Variants in ENPP2 observed in about 807,000 individuals in gnomAD.
ENPP2 encodes autotaxin.
ENPP2 carries 51 observed loss-of-function variants against 120.2 expected under a neutral mutation model. The observed-to-expected ratio is 0.42, with a 90% confidence interval of 0.34 to 0.54. The LOEUF is 0.54. Ranked by LOEUF, ENPP2 falls within the 20% of genes least tolerant of loss-of-function variation. The probability of loss-of-function intolerance (pLI) is 0.04; values close to 1 mark genes in which losing one functional copy is unlikely to be tolerated. For synonymous variants in ENPP2, 365 were observed against 366.4 expected (o/e 1.00, Z 0.04); for missense variants, 920 against 1,066.5 (o/e 0.86, Z 1.91).
At chr8:119,622,484 C>T (rs918234325) in intron 3 of ENPP2, among the ~76,000 whole-genome samples, 11 of 152,182 alleles carry the variant, frequency 7.2e-5, no homozygotes, top group African/African-American at 2.7e-4. Flanking sequence ...ATTGACAGCT[C>T]ACTGCTTAAT....
chr8:119,634,195 C>A (rs762472699), intron 2 of ENPP2, among the ~76,000 whole-genome samples: 3,051 of 81,324 alleles, frequency 0.038, 47 homozygotes, highest in South Asian at 0.11. Flanking sequence ...AAAATAAATA[C>A]ATACATACAT....
intron 1 of ENPP2, among the ~76,000 whole-genome samples, chr8:119,669,884 C>T (rs956159708): frequency 2.4e-4 from 36 of 152,216 alleles, no homozygotes; most frequent in African/African-American, 8.4e-4. Context: ...TTGCACACAT[C>T]TCTTTTTAGG....
chr8:119,608,996 G>A (rs1814913681), intron 8 of ENPP2, among the ~76,000 whole-genome samples: 1 of 152,174 alleles, frequency 6.6e-6, no homozygotes, highest in Non-Finnish European at 1.5e-5. Context: ...AAAGAGAATG[G>A]AAGCAAATAC....
intron 1 of ENPP2, among the ~76,000 whole-genome samples, chr8:119,666,961 T>C (rs753768000): frequency 3.3e-5 from 5 of 152,110 alleles, no homozygotes; most frequent in African/African-American, 4.8e-5. Flanking sequence ...ACAAATAGTT[T>C]AGTATGAGTA....
At chr8:119,576,489 T>C (rs1483880503) in intron 19 of ENPP2, among the ~76,000 whole-genome samples, 2 of 152,198 alleles carry the variant, frequency 1.3e-5, no homozygotes, top group African/African-American at 2.4e-5. Context: ...TTGTGTATGA[T>C]AAGGAGCCAA....
At chr8:119,664,406 A>G (rs1220348652) in intron 1 of ENPP2, among the ~76,000 whole-genome samples, 4 of 152,172 alleles carry the variant, frequency 2.6e-5, no homozygotes, top group African/African-American at 9.7e-5. Flanking sequence ...GAGAATTCCC[A>G]TCTCACACGC....
At chr8:119,567,666 G>A (rs561401247) in intron 22 of ENPP2, among the ~76,000 whole-genome samples, 29 of 152,174 alleles carry the variant, frequency 1.9e-4, no homozygotes, top group Non-Finnish European at 3.7e-4. Flanking sequence ...CTGGGTTTCA[G>A]GGCCAACATT....
At chr8:119,581,835 C>T (rs1812764874) in intron 18 of ENPP2, among the ~76,000 whole-genome samples, 1 of 150,954 alleles carries the variant, frequency 6.6e-6, no homozygotes, top group African/African-American at 2.4e-5. Flanking sequence ...TCCCGGCTCA[C>T]TGCAACCTCT....
intron 9 of ENPP2, among the ~76,000 whole-genome samples, chr8:119,604,121 C>T (rs1348237239): frequency 6.6e-6 from 1 of 151,628 alleles, no homozygotes; most frequent in Non-Finnish European, 1.5e-5. Flanking sequence ...TCCACCTCCC[C>T]GGTTCAAGCT....
At chr8:119,584,343 C>T (rs977820864) in intron 15 of ENPP2, among the ~76,000 whole-genome samples, 4 of 152,122 alleles carry the variant, frequency 2.6e-5, no homozygotes, top group African/African-American at 9.7e-5. Flanking sequence ...CTCTGCCTGT[C>T]TAGGTGCTTC....
chr8:119,656,387 T>C (rs1251335208), intron 1 of ENPP2, among the ~76,000 whole-genome samples: 1 of 152,180 alleles, frequency 6.6e-6, no homozygotes, highest in African/African-American at 2.4e-5. Flanking sequence ...GATCTCTCTG[T>C]ATTCGTTCCT....
chr8:119,563,962 T>G (rs1318887805), intron 23 of ENPP2, among the ~76,000 whole-genome samples: 1 of 150,978 alleles, frequency 6.6e-6, no homozygotes, highest in Non-Finnish European at 1.5e-5. Flanking sequence ...CATTCTGAAT[T>G]TGTCAACAAA....
chr8:119,632,990 G>C (rs1816774988), intron 2 of ENPP2, among the ~76,000 whole-genome samples: 1 of 152,322 alleles, frequency 6.6e-6, no homozygotes, highest in East Asian at 1.9e-4. Context: ...TTGAGGTGGA[G>C]GTTGCAGTGA....
chr8:119,597,992 G>T (rs560995992), intron 11 of ENPP2, among the ~76,000 whole-genome samples: 2 of 152,034 alleles, frequency 1.3e-5, no homozygotes, highest in African/African-American at 4.8e-5. Flanking sequence ...TAAAAGATAC[G>T]TTACTGATTT....
chr8:119,588,472 T>C (rs1049253502), intron 13 of ENPP2, among the ~76,000 whole-genome samples: 91 of 134,308 alleles, frequency 6.8e-4, no homozygotes, highest in African/African-American at 2.5e-3. Flanking sequence ...GAGGTTGCAG[T>C]GAGCCAAGAT....
chr8:119,601,173 C>T (rs1814276773), intron 10 of ENPP2, among the ~76,000 whole-genome samples: 1 of 152,238 alleles, frequency 6.6e-6, no homozygotes, highest in African/African-American at 2.4e-5. Context: ...TTCGGCTCTG[C>T]TGTAGTGGAC....
Position 119,607,937 on chromosome 8 carries a change from G to A in ENPP2, c.818C>T (p.Thr273Ile), listed in dbSNP as rs761152229. The stretch of plus-strand genomic sequence containing the variant: ...GGTAACTTACACAGACCAAAAGAAT[G>A]TTCCAGCTTTCACCCCTTGCTTGGT... ...TATKQGVKAG[T>I]FFWSVVIPHE... is the part of the protein sequence containing the mutation. The change falls in exon 9 of 25, where the codon ACA (threonine) becomes ATA (isoleucine). Residue 273 changes from threonine (T) to isoleucine (I), a missense_variant. Coordinates refer to ENST00000075322, the MANE Select transcript of ENPP2 (RefSeq NM_001040092.3). 1.9e-5 allele frequency: 30 copies of A among 1,608,646 alleles called. No homozygotes were observed. Among genetic ancestry groups the A allele is most frequent in the Admixed American group, 5.0e-5 (3 of 59,468 alleles).
chr8:119,644,694 G>T (rs1817392580), intron 1 of ENPP2, among the ~76,000 whole-genome samples: 1 of 138,538 alleles, frequency 7.2e-6, no homozygotes, highest in Non-Finnish European at 1.5e-5. Flanking sequence ...ATATATACTG[G>T]ACTTTAAACA....
At chr8:119,608,017 G>GTT (rs760629110) in intron 8 of ENPP2, 40 bp from the exon 9 acceptor site, 6 of 1,472,912 alleles carry the variant, frequency 4.1e-6, no homozygotes, top group Non-Finnish European at 5.6e-6. Flanking sequence ...TGTGTTCTGT[G>GTT]TTTTTGTCAA....
Sources: gnomAD v4.1 joint callset for allele counts (sites outside exome capture counted in the v4.1 genomes callset) on GRCh38, gnomAD v4.1.1 for gene constraint, MANE v1.5 for transcripts, NCBI Gene and HGNC (gene_info 2026-07-23, HGNC 2026-07-21) for gene names.